The following OGG1 variants were observed in gnomAD, a reference collection of about 807,000 sequenced individuals.
OGG1 encodes the protein 8-oxoguanine DNA glycosylase, also known as N-glycosylase/DNA lyase.
OGG1 carries 35 observed loss-of-function variants against 42.3 expected under a neutral mutation model. The ratio of observed to expected loss-of-function variants is 0.83; its 90% CI spans 0.63 to 1.10. The LOEUF (loss-of-function observed/expected upper bound fraction) is 1.10. Ranked by LOEUF, OGG1 falls within the 50% of genes least tolerant of loss-of-function variation. The probability of loss-of-function intolerance (pLI) is 0.00; values close to 1 mark genes in which losing one functional copy is unlikely to be tolerated. For missense variants in OGG1, 484 were observed against 446.7 expected (o/e 1.08, Z -0.75); for synonymous variants, 189 against 179.0 (o/e 1.06, Z -0.44).
chr3:9,771,191 C>T (rs1487932405), downstream of OGG1, among the ~76,000 whole-genome samples: 2 of 151,878 alleles, frequency 1.3e-5, no homozygotes, highest in Non-Finnish European at 2.9e-5. Flanking sequence ...CCACACCTGG[C>T]TTTTTTATTT....
chr3:9,756,671 CTT>C, intron 5 of OGG1, 50 bp downstream of exon 5: 1 of 1,612,146 alleles, frequency 6.2e-7, no homozygotes, highest in Non-Finnish European at 8.5e-7. Context: ...ATGGTAGAAA[CTT>C]CTCTCTCTCT....
At chr3:9,766,103 C>A in exon 8 of OGG1, 1 of 1,428,082 alleles carries the variant, frequency 7.0e-7, no homozygotes, top group South Asian at 1.2e-5. Context: ...AGTAATTGGT[C>A]ATGTGATGCA....
rs781431127 is a variant in OGG1 at position 9,785,308 on chromosome 3, C to T, written c.383-2420C>T. 6 of 1,609,152 alleles carry T rather than the reference C, an allele frequency of 3.7e-6. No homozygotes were observed. The Admixed American group carries it at 6.7e-5, about 18-fold the overall frequency. ...CAGACTGTGGGTTGTGGATAGGACA[C>T]CACTCACCTGAAGGGCTTGTTCTGA... is the stretch of plus-strand genomic sequence containing the variant. On this transcript the variant is annotated intron_variant, in intron 3 of 3. Coordinates refer to the OGG1 transcript ENST00000426518.
downstream of OGG1, among the ~76,000 whole-genome samples, chr3:9,767,145 C>G (rs1406659928): frequency 6.6e-6 from 1 of 152,220 alleles, no homozygotes; most frequent in Non-Finnish European, 1.5e-5. Flanking sequence ...CAGTCCCCAG[C>G]TCTAATGCCC....
chr3:9,753,964 C>T (rs1037193254), intron 3 of OGG1, among the ~76,000 whole-genome samples: 4 of 152,028 alleles, frequency 2.6e-5, no homozygotes, highest in Non-Finnish European at 4.4e-5. Flanking sequence ...ATAGTGAGAC[C>T]TCATCTCTAC....
At chr3:9,753,106 C>A (rs1033240167) in intron 3 of OGG1, among the ~76,000 whole-genome samples, 1 of 151,938 alleles carries the variant, frequency 6.6e-6, no homozygotes. Flanking sequence ...AATCCCAACA[C>A]TTTGGGAGGC....
At chr3:9,776,916 C>T (rs1049625859) in intron 2 of OGG1, among the ~76,000 whole-genome samples, 3 of 152,186 alleles carry the variant, frequency 2.0e-5, no homozygotes, top group Admixed American at 6.5e-5. Flanking sequence ...GATACCTAAA[C>T]GAGTGAGTTA....
At chr3:9,760,639 A>G (rs201794302), downstream of OGG1, 1 of 1,613,558 alleles carries the variant, frequency 6.2e-7, no homozygotes, top group Admixed American at 1.7e-5. Context: ...AGGGGAAAAA[A>G]GCAAAGCCCC....
intron 2 of OGG1, among the ~76,000 whole-genome samples, chr3:9,775,644 G>GT (rs71052204): frequency 0.015 from 2,142 of 141,966 alleles, 15 homozygotes; most frequent in South Asian, 0.038. Flanking sequence ...ATACCCAGAG[G>GT]TTTTTTTTTT....
At position 9,754,825 on chromosome 3, in the gene OGG1, A is replaced by G. The variant is rs769130426; in HGVS notation, c.687A>G (p.Arg229=). Reference sequence around the variant, plus strand: ...GGCTAGCCTGGCTGCAGCAGCTACGAGAGTCCTCATATGAGGAGGCCCACA... The same window carrying G: ...GGCTAGCCTGGCTGCAGCAGCTACGGGAGTCCTCATATGAGGAGGCCCACA... The part of the protein sequence containing the change: ...QGGLAWLQQL[R]ESSYEEAHKA... Residue 229 remains arginine (R), a synonymous_variant, in exon 4 of 7, where the codon CGA becomes CGG. Transcript: ENST00000344629. 71 of 1,611,816 alleles carry G rather than the reference A, an allele frequency of 4.4e-5. No homozygotes were observed. Among genetic ancestry groups the G allele is most frequent in the Non-Finnish European group, 5.7e-5 (67 of 1,179,108 alleles).
At position 9,750,375 on chromosome 3, in the gene OGG1, G is replaced by T. The variant is rs1288465414; in HGVS notation, c.89G>T (p.Arg30Leu). ...CTGTGGGCCTCCATCCCGTGCCCTC[G>T]CTCTGAGCTGCGCCTGGACCTGGTT... ...PALWASIPCPRSELRLDLVLP... is the reference protein window; with the variant it reads ...PALWASIPCPLSELRLDLVLP... Residue 30 changes from arginine to leucine, a missense_variant, in exon 1 of 7, where the codon CGC becomes CTC. By Grantham distance (102) the Arg-to-Leu change is moderately radical. Coordinates refer to ENST00000344629, the MANE Select transcript of OGG1 (RefSeq NM_002542.6). 4 of 1,614,026 alleles carry T rather than the reference G, an allele frequency of 2.5e-6. No individual in the cohort carries two copies. Among genetic ancestry groups the T allele is most frequent in the Middle Eastern group, 3.3e-4 (2 of 6,062 alleles).
chr3:9,752,860 G>A (rs1170443183), intron 3 of OGG1, among the ~76,000 whole-genome samples: 1 of 152,074 alleles, frequency 6.6e-6, no homozygotes, highest in Non-Finnish European at 1.5e-5. Context: ...AGACCAGCCT[G>A]GCCAACATGG....
At chr3:9,776,388 C>CTTTTTTTTT (rs57504240) in intron 2 of OGG1, among the ~76,000 whole-genome samples, 6 of 121,122 alleles carry the variant, frequency 5.0e-5, no homozygotes, top group Non-Finnish European at 6.7e-5. Flanking sequence ...TTTTTCTTTT[C>CTTTTTTTTT]TTTTTTTTTT....
At chr3:9,772,486 C>G (rs1340354831) in intron 2 of OGG1, among the ~76,000 whole-genome samples, 1 of 152,252 alleles carries the variant, frequency 6.6e-6, no homozygotes, top group Non-Finnish European at 1.5e-5. Context: ...TCCCTCCTCT[C>G]TCCTTGTCTT....
At chr3:9,755,735 C>T (rs1332992042) in intron 4 of OGG1, among the ~76,000 whole-genome samples, 1 of 152,062 alleles carries the variant, frequency 6.6e-6, no homozygotes, top group Non-Finnish European at 1.5e-5. Flanking sequence ...GCTGGGATTA[C>T]AGGCGTGAGC....
intron 2 of OGG1, among the ~76,000 whole-genome samples, chr3:9,776,395 T>C (rs889815121): frequency 4.8e-5 from 7 of 145,418 alleles, no homozygotes; most frequent in East Asian, 3.9e-4. Flanking sequence ...TTTCTTTTTT[T>C]TTTTTTTTTT....
intron 2 of OGG1, among the ~76,000 whole-genome samples, chr3:9,771,936 C>T (rs1037667701): frequency 6.6e-6 from 1 of 151,292 alleles, no homozygotes; most frequent in Non-Finnish European, 1.5e-5. Flanking sequence ...CCTGCCTCAG[C>T]CTCCCAAGTA....
At chr3:9,776,611 G>T (rs1032981987) in intron 2 of OGG1, among the ~76,000 whole-genome samples, 2 of 151,940 alleles carry the variant, frequency 1.3e-5, no homozygotes, top group African/African-American at 4.8e-5. Context: ...GGATAGTCTC[G>T]ATCTCCTGAC....
intron 2 of OGG1, among the ~76,000 whole-genome samples, chr3:9,777,290 G>GCC (rs1387449118): frequency 1.8e-4 from 27 of 152,172 alleles, no homozygotes; most frequent in Admixed American, 7.2e-4. Flanking sequence ...ATTAAATTTG[G>GCC]AGACTTGAGG....
Sources: allele counts gnomAD v4.1 joint callset (sites outside exome capture counted in the v4.1 genomes callset), GRCh38; gene constraint gnomAD v4.1.1; transcripts MANE v1.5; gene names NCBI Gene and HGNC (gene_info 2026-07-23, HGNC 2026-07-21).